COL3A1: variants seen among roughly 807,000 people sequenced by gnomAD.
COL3A1 encodes the protein collagen type III alpha 1 chain.
COL3A1 carries 46 observed loss-of-function variants against 200.9 expected under a neutral mutation model. That is an observed-to-expected ratio of 0.23 (90% CI 0.18 to 0.29). The LOEUF (loss-of-function observed/expected upper bound fraction) is 0.29. COL3A1 is among the 10% of genes least tolerant of loss of function. The pLI is 1.00. For missense variants in COL3A1, 1,367 were observed against 1,917.6 expected (o/e 0.71, Z 5.36); for synonymous variants, 650 against 628.0 (o/e 1.03, Z -0.52).
At chr2:188,993,993 T>G in intron 16 of COL3A1, 45 bp from the exon 17 acceptor site, 1 of 1,569,084 alleles carries the variant, frequency 6.4e-7, no homozygotes, top group Non-Finnish European at 8.8e-7. Flanking sequence ...ATATACGAAC[T>G]ATTTGCATTA....
In COL3A1 at chr2:188,996,276, ATATATATGTATATGTATATC is replaced by A. The variant is rs1414537965; in HGVS notation, c.1662+106_1663-95del. The A allele has an allele frequency of 9.9e-4, 811 of 817,028 alleles. 5 individuals are homozygous for A. The African/African-American group carries it at 0.021, about 22-fold the overall frequency. 50.6% of individuals were successfully genotyped at this position (817,028 alleles called of 1,614,324 possible). On this transcript the variant is annotated intron_variant, in intron 23 of 50. Coordinates refer to ENST00000304636, the MANE Select transcript of COL3A1 (RefSeq NM_000090.4). ...TGTGTGTGTGTGTGTGTGTGTATATATATATATGTATATGTATATCTATATATATACACACACACACACAC... is the reference window on the plus strand; with the variant it reads ...TGTGTGTGTGTGTGTGTGTGTATATATATATATATACACACACACACACAC...
chr2:188,994,902 GAGAC>G lies in COL3A1; in HGVS notation c.1455+74_1455+77del. The G allele has an allele frequency of 6.3e-7, 1 of 1,575,710 alleles. No homozygotes were observed. The highest frequency in any genetic ancestry group is 8.7e-7 in the Non-Finnish European group (1 of 1,146,222). On this transcript the variant is annotated intron_variant, in intron 20 of 50. Coordinates refer to ENST00000304636, the MANE Select transcript of COL3A1 (RefSeq NM_000090.4). The surrounding 1 kb of genome is among the most constrained non-coding windows in gnomAD (Gnocchi z 4.5). ...ATCTAAATAAAACTACCTTCAGGGT[GAGAC>G]AGCCAATTTTTCTTAAGTTGAGTGT...
At chr2:189,007,797 C>A (rs1356558847) in intron 45 of COL3A1, 88 bp from the exon 46 acceptor site, 2 of 1,488,192 alleles carry the variant, frequency 1.3e-6, no homozygotes, top group Middle Eastern at 2.3e-4. Flanking sequence ...TCATCATGAT[C>A]CCCATGTTTC....
At chr2:189,007,139 A>ATATATATG (rs1688608858) in intron 44 of COL3A1, 149 bp downstream of exon 44, 1 of 179,168 alleles carries the variant, frequency 5.6e-6, no homozygotes, top group South Asian at 1.5e-4. Context: ...ATATATATAT[A>ATATATATG]TTTGTTCTAT....
In COL3A1 at chr2:189,004,031, C is replaced by T; in HGVS notation, c.2711C>T (p.Pro904Leu). 6.2e-7 allele frequency: 1 copy of T among 1,613,058 alleles called. No homozygotes were observed. Among genetic ancestry groups the T allele is most frequent in the Middle Eastern group, 1.8e-4 (1 of 5,462 alleles). ...AGCGGTTCTCCAGGCAAGGATGGGC[C>T]CCCAGGTCCTGCGGGTAACACTGGT... ...GPSGSPGKDG[P>L]PGPAGNTGAP... Residue 904 changes from proline (P) to leucine (L), a missense_variant, in exon 39 of 51, where the codon CCC (proline) becomes CTC (leucine). By Grantham distance (98) the Pro-to-Leu change is moderately conservative. Transcript: ENST00000304636.
chr2:189,008,603 T>G, intron 47 of COL3A1: 1 of 463,406 alleles, frequency 2.2e-6, no homozygotes, highest in Non-Finnish European at 3.9e-6. Flanking sequence ...TACACTCCCC[T>G]CTGTCATGTC....
chr2:188,974,571 G>T lies in COL3A1; in HGVS notation c.79+3G>T, dbSNP rs772490798. ...TATTATTTTGGCACAACAGGAAGGT[G>T]AGTAGGTACTGATTTCAAGAAACTT... is the stretch of plus-strand genomic sequence containing the variant. On this transcript the variant is annotated splice_donor_region_variant and intron_variant, in intron 1 of 50. Transcript: ENST00000304636. 1 of 1,612,558 alleles carries T rather than the reference G, an allele frequency of 6.2e-7. No homozygotes were observed. The highest frequency in any genetic ancestry group is 8.5e-7 in the Non-Finnish European group (1 of 1,178,552).
At chr2:188,974,948 T>A (rs1687776675) in intron 1 of COL3A1, among the ~76,000 whole-genome samples, 1 of 152,218 alleles carries the variant, frequency 6.6e-6, no homozygotes, top group African/African-American at 2.4e-5. Flanking sequence ...CTTTGTCTGC[T>A]GGATTCTTTG....
intron 32 of COL3A1, 141 bp from the exon 33 acceptor site, chr2:189,001,256 C>A: frequency 1.4e-6 from 1 of 725,980 alleles, no homozygotes; most frequent in Non-Finnish European, 2.3e-6. Flanking sequence ...GAGAGAAAAG[C>A]ATAGCATTCA....
chr2:188,996,590 C>T (rs1219552607), intron 24 of COL3A1, 94 bp downstream of exon 24: 6 of 1,010,574 alleles, frequency 5.9e-6, no homozygotes, highest in Admixed American at 2.1e-5. Context: ...TCAGTCTCCT[C>T]TTCAAAGCAT....
In COL3A1 at chr2:189,010,147, C is replaced by A. The variant is rs10204508; in HGVS notation, c.3824-31C>A. The stretch of plus-strand genomic sequence containing the variant: ...ATCACTTTATTACTGGATTTTATAA[C>A]CAATTCCCATTCTTTTTTGTGACTA... On this transcript the variant is annotated intron_variant, in intron 48 of 50. Coordinates refer to ENST00000304636, the MANE Select transcript of COL3A1 (RefSeq NM_000090.4). 342,868 of 1,608,478 alleles carry A rather than the reference C, an allele frequency of 0.21. 38,248 individuals are homozygous for A. The highest frequency in any genetic ancestry group is 0.36 in the Middle Eastern group (2,194 of 6,052).
Position 188,989,622 on chromosome 2 carries a change from T to A in COL3A1, c.690+173T>A, listed in dbSNP as rs12616391. 0.11 allele frequency among the ~76,000 whole-genome samples: 17,126 copies of A among 152,114 alleles called. 2,291 individuals carry two copies. Among genetic ancestry groups the A allele is most frequent in the African/African-American group, 0.33 (13,615 of 41,406 alleles). ...TTGAGTAGCTATACAGTATTTGCGT[T>A]TCTATATATATCATTTGTTGAATTC... On this transcript the variant is annotated intron_variant, in intron 8 of 50. Transcript: ENST00000304636.
intron 15 of COL3A1, 35 bp from the exon 16 acceptor site, chr2:188,993,326 T>C (rs368332534): frequency 7.1e-4 from 1,089 of 1,523,846 alleles, no homozygotes; most frequent in Non-Finnish European, 9.3e-4. Context: ...GTAGAAGTGG[T>C]AAGAGAAACT....
In COL3A1 at chr2:189,008,075, C is replaced by G. The variant is rs2153503972; in HGVS notation, c.3458C>G (p.Thr1153Ser). The change falls in exon 47 of 51, where the codon ACC (threonine) becomes AGC (serine). Residue 1153 changes from threonine to serine, a missense_variant. Physicochemically the swap from Thr to Ser is moderately conservative, Grantham distance 58. Coordinates refer to ENST00000304636, the MANE Select transcript of COL3A1 (RefSeq NM_000090.4). The stretch of plus-strand genomic sequence containing the variant: ...AGTGGACCTCCTGGCAAAGATGGAA[C>G]CAGTGGACATCCAGGTCCCATTGGA... ...GPSGPPGKDG[T>S]SGHPGPIGPP... is the part of the protein sequence containing the mutation. 13 of 1,614,024 alleles carry G rather than the reference C, an allele frequency of 8.1e-6. No homozygotes were observed. The highest frequency in any genetic ancestry group is 1.1e-5 in the Non-Finnish European group (13 of 1,179,946).
At chr2:188,986,935 A>G in intron 4 of COL3A1, 124 bp from the exon 5 acceptor site, 1 of 789,098 alleles carries the variant, frequency 1.3e-6, no homozygotes, top group South Asian at 1.4e-5. Context: ...AATACATACC[A>G]CATCTTTTGG....
In COL3A1 at chr2:189,003,398, C is replaced by T; in HGVS notation, c.2554-13C>T. 2 of 1,613,094 alleles carry T rather than the reference C, an allele frequency of 1.2e-6. No homozygotes were observed. Among genetic ancestry groups the T allele is most frequent in the South Asian group, 1.1e-5 (1 of 90,946 alleles). On this transcript the variant is annotated splice_polypyrimidine_tract_variant and intron_variant, in intron 36 of 50. Transcript: ENST00000304636. ...GGTGCTATTCTTACATAATTTCCTTCCATTTCATATAGGGTCCTCCTGGTC... is the reference window on the plus strand; with the variant it reads ...GGTGCTATTCTTACATAATTTCCTTTCATTTCATATAGGGTCCTCCTGGTC...
chr2:188,993,216 C>T (rs778191058), intron 15 of COL3A1, 145 bp from the exon 16 acceptor site: 13 of 760,408 alleles, frequency 1.7e-5, no homozygotes, highest in Admixed American at 1.6e-4. Context: ...TCTGCCTTTA[C>T]GATTAATGAT....
At chr2:188,997,499 G>A in intron 26 of COL3A1, 110 bp downstream of exon 26, 1 of 1,287,376 alleles carries the variant, frequency 7.8e-7, no homozygotes, top group Non-Finnish European at 1.1e-6. Flanking sequence ...GTTTACCAAA[G>A]CAATGATGAA....
rs989285157 is a variant in COL3A1 at position 188,993,603 on chromosome 2, A to G, written c.1149+144A>G. On this transcript the variant is annotated intron_variant, in intron 16 of 50. Coordinates refer to ENST00000304636, the MANE Select transcript of COL3A1 (RefSeq NM_000090.4). ...TGAAAAAATTGTTGCTTAGTGCTCTAAAATGATCCTCCTGTGACACATACT... is the reference window on the plus strand; with the variant it reads ...TGAAAAAATTGTTGCTTAGTGCTCTGAAATGATCCTCCTGTGACACATACT... 1.8e-5 allele frequency: 13 copies of G among 726,644 alleles called. No homozygotes were observed. The African/African-American group carries it at 1.9e-4, about 11-fold the overall frequency. The allele number at this position is 726,644 out of a possible 1,614,324, so 45.0% of individuals were successfully genotyped here. A position where few individuals can be genotyped will look rare whatever the true frequency, so the allele number is the denominator to read the frequency against.
Sources: allele counts gnomAD v4.1 joint callset (sites outside exome capture counted in the v4.1 genomes callset), GRCh38; gene constraint gnomAD v4.1.1; non-coding constraint Gnocchi (gnomAD v3.1); transcripts MANE v1.5; gene names NCBI Gene and HGNC (gene_info 2026-07-23, HGNC 2026-07-21).